The following KIF18A variants were observed in gnomAD, a reference collection of about 807,000 sequenced individuals.
KIF18A encodes the protein kinesin family member 18A, also known as kinesin-like protein KIF18A.
A neutral mutation model predicts 103.3 loss-of-function variants in KIF18A; 67 were observed. The ratio of observed to expected loss-of-function variants is 0.65; its 90% CI spans 0.53 to 0.79. The LOEUF is 0.79. Ranked by LOEUF, KIF18A falls within the 30% of genes least tolerant of loss-of-function variation. KIF18A has a pLI of 0.00. For missense variants in KIF18A, 1,032 were observed against 1,062.5 expected (o/e 0.97, Z 0.40); for synonymous variants, 367 against 355.5 (o/e 1.03, Z -0.36).
rs1220426154 is a variant in KIF18A, at chr11:28,082,917, T to C, written c.1201A>G (p.Thr401Ala). Residue 401 changes from threonine to alanine, a missense_variant, in exon 9 of 17, where the codon ACT becomes GCT. Transcript: ENST00000263181. ...AACTTTGCTTGGTCATTTTCATTAG[T>C]GAAGGCTTTCTGTTCTTCATAGGCT... The part of the protein sequence containing the change: ...LKAYEEQKAF[T>A]NENDQAKLMI... 1 of 1,606,270 alleles carries C rather than the reference T, an allele frequency of 6.2e-7. No individual in the cohort carries two copies. The highest frequency in any genetic ancestry group is 2.2e-5 in the East Asian group (1 of 44,630).
At chr11:28,067,045 A>G (rs1419132529) in intron 11 of KIF18A, among the ~76,000 whole-genome samples, 2 of 151,912 alleles carry the variant, frequency 1.3e-5, no homozygotes, top group Non-Finnish European at 2.9e-5. Flanking sequence ...TAAGACATCA[A>G]TGTTAAACAC....
At chr11:28,097,480 G>A (rs1472018147) in intron 2 of KIF18A, 143 bp downstream of exon 2, 3 of 670,622 alleles carry the variant, frequency 4.5e-6, no homozygotes, top group Admixed American at 2.4e-5. Context: ...TATATTTACA[G>A]TTCAAGTCTA....
At chr11:28,094,283 C>T (rs1170352200) in intron 3 of KIF18A, among the ~76,000 whole-genome samples, 3 of 151,952 alleles carry the variant, frequency 2.0e-5, no homozygotes, top group African/African-American at 4.8e-5. Context: ...ATTTTGGTAC[C>T]TATTTAGCAG....
intron 11 of KIF18A, among the ~76,000 whole-genome samples, chr11:28,065,803 T>C (rs1451751689): frequency 6.6e-6 from 1 of 152,022 alleles, no homozygotes; most frequent in East Asian, 1.9e-4. Flanking sequence ...GACAAACATA[T>C]AATACAAGCA....
chr11:28,065,010 G>A (rs1196958848), intron 11 of KIF18A, among the ~76,000 whole-genome samples: 4 of 152,082 alleles, frequency 2.6e-5, no homozygotes, highest in African/African-American at 9.7e-5. Flanking sequence ...GGTTGCAGTG[G>A]AGAGAATGAA....
At chr11:28,069,544 T>G in intron 10 of KIF18A, 121 bp from the exon 11 acceptor site, 1 of 938,670 alleles carries the variant, frequency 1.1e-6, no homozygotes, top group South Asian at 2.0e-5. Flanking sequence ...GGCTACATTT[T>G]TGTATTTAAA....
At chr11:28,060,165 G>T (rs892139766) in intron 12 of KIF18A, among the ~76,000 whole-genome samples, 2 of 152,108 alleles carry the variant, frequency 1.3e-5, no homozygotes, top group Non-Finnish European at 2.9e-5. Flanking sequence ...CAGCTAAACA[G>T]TTATAAATTT....
chr11:28,031,190 C>T (rs1850399014), intron 15 of KIF18A, among the ~76,000 whole-genome samples: 1 of 151,968 alleles, frequency 6.6e-6, no homozygotes, highest in African/African-American at 2.4e-5. Flanking sequence ...GGGTATATAC[C>T]CAAAGGATTA....
intron 3 of KIF18A, 41 bp from the exon 4 acceptor site, chr11:28,091,554 A>T: frequency 9.2e-7 from 1 of 1,087,280 alleles, no homozygotes. Context: ...ATGTAAAAAA[A>T]AAAAATGGTG....
Position 28,020,717 on chromosome 11 carries a change from A to AT in KIF18A, c.*482dup, listed in dbSNP as rs1850227396. ...TTACAATGATTTTATGGGCACATAT[A>AT]TTTACACTTGTACATTAAAGTATTT... On this transcript the variant is annotated 3_prime_UTR_variant, in exon 17 of 17. Transcript: ENST00000263181. The AT allele has an allele frequency of 6.6e-6, 1 of 152,138 alleles. No homozygotes were observed. The highest frequency in any genetic ancestry group is 2.4e-5 in the African/African-American group (1 of 41,448). 9.4% of individuals were successfully genotyped at this position (152,138 alleles called of 1,614,324 possible). A position where few individuals can be genotyped will look rare whatever the true frequency, so the allele number is the denominator to read the frequency against.
chr11:28,063,489 T>G (rs1387602145), intron 11 of KIF18A, among the ~76,000 whole-genome samples: 1 of 152,032 alleles, frequency 6.6e-6, no homozygotes, highest in African/African-American at 2.4e-5. Context: ...GAAAATGTTT[T>G]TTTGCAGGCT....
chr11:28,024,000 T>C, intron 15 of KIF18A, 150 bp from the exon 16 acceptor site: 2 of 470,532 alleles, frequency 4.3e-6, no homozygotes, highest in South Asian at 4.2e-5. Context: ...TAAATACATT[T>C]TTGGCCCACA....
chr11:28,039,390 T>C (rs2133499600), intron 13 of KIF18A, among the ~76,000 whole-genome samples: 1 of 151,864 alleles, frequency 6.6e-6, no homozygotes, highest in East Asian at 1.9e-4. Flanking sequence ...AACAGGTATA[T>C]ATGTTCTTTG....
At chr11:28,074,621 G>A (rs560484634) in intron 10 of KIF18A, among the ~76,000 whole-genome samples, 12 of 152,098 alleles carry the variant, frequency 7.9e-5, no homozygotes, top group South Asian at 2.1e-4. Flanking sequence ...ATTAATTTCC[G>A]GTACAGCGTA....
chr11:28,102,988 A>G (rs1851465036), intron 1 of KIF18A, among the ~76,000 whole-genome samples: 1 of 152,164 alleles, frequency 6.6e-6, no homozygotes, highest in African/African-American at 2.4e-5. Context: ...TTATCTGCGC[A>G]AGAATGTGTG....
At chr11:28,024,201 A>AAC (rs1769379526) in intron 15 of KIF18A, among the ~76,000 whole-genome samples, 1 of 151,286 alleles carries the variant, frequency 6.6e-6, no homozygotes, top group African/African-American at 2.4e-5. Flanking sequence ...TAAAAAAAAA[A>AAC]AAAAAAAAAA....
chr11:28,053,536 G>T (rs888554649), intron 13 of KIF18A, among the ~76,000 whole-genome samples: 2 of 151,380 alleles, frequency 1.3e-5, no homozygotes, highest in Non-Finnish European at 2.9e-5. Context: ...TAAGTTTTAG[G>T]GTACATGTGC....
intron 15 of KIF18A, among the ~76,000 whole-genome samples, chr11:28,030,336 T>C (rs1487272545): frequency 2.0e-5 from 3 of 151,770 alleles, no homozygotes; most frequent in Admixed American, 6.6e-5. Context: ...AACAGAGATA[T>C]AGACCAATGG....
At chr11:28,049,450 T>C (rs1038721383) in intron 13 of KIF18A, among the ~76,000 whole-genome samples, 6 of 152,012 alleles carry the variant, frequency 3.9e-5, no homozygotes. Context: ...ATCAAAAGTT[T>C]AAGACTGTAA....
Sources: allele counts gnomAD v4.1 joint callset (sites outside exome capture counted in the v4.1 genomes callset), GRCh38; gene constraint gnomAD v4.1.1; transcripts MANE v1.5; gene names NCBI Gene and HGNC (gene_info 2026-07-23, HGNC 2026-07-21).